ITGA1: variants seen among roughly 807,000 people sequenced by gnomAD.
The protein encoded by ITGA1 is integrin subunit alpha 1.
ITGA1 carries 85 observed loss-of-function variants against 145.9 expected under a neutral mutation model. The observed-to-expected ratio is 0.58, with a 90% CI of 0.49 to 0.70. The LOEUF (loss-of-function observed/expected upper bound fraction) is 0.70. ITGA1 is among the 30% of genes least tolerant of loss of function. The pLI is 0.00. For synonymous variants in ITGA1, 520 were observed against 495.3 expected, an observed-to-expected ratio of 1.05 and a Z score of -0.66; for missense variants, 1,351 against 1,418.7, an observed-to-expected ratio of 0.95 and a Z score of 0.77.
rs537109393 is a variant in ITGA1, at chr5:52,864,898, T to C, written c.384+47T>C. Reference sequence around the variant, plus strand: ...TTTATTGACAACAGATATGCTATCATTTTAAGTCTTTGTAAGATCTGTTAT... The same window carrying C: ...TTTATTGACAACAGATATGCTATCACTTTAAGTCTTTGTAAGATCTGTTAT... On this transcript the variant is annotated intron_variant, in intron 4 of 28. Coordinates refer to ENST00000282588, the MANE Select transcript of ITGA1 (RefSeq NM_181501.2). 7.1e-6 allele frequency: 11 copies of C among 1,545,358 alleles called. No homozygotes were observed. The African/African-American group carries it at 8.2e-5, about 12-fold the overall frequency.
chr5:52,908,840 A>T, intron 12 of ITGA1, 58 bp from the exon 13 acceptor site: 1 of 1,579,144 alleles, frequency 6.3e-7, no homozygotes, highest in South Asian at 1.1e-5. Flanking sequence ...TGTAGATTTC[A>T]GTTTCCTTGA....
chr5:52,941,667 T>C (rs11954863), intron 26 of ITGA1, among the ~76,000 whole-genome samples: 121 of 152,206 alleles, frequency 7.9e-4, no homozygotes, highest in Non-Finnish European at 1.3e-3. Context: ...TTCCTTATTC[T>C]GGATATTAGA....
chr5:52,852,737 T>C (rs1749448185), intron 2 of ITGA1, among the ~76,000 whole-genome samples: 1 of 152,170 alleles, frequency 6.6e-6, no homozygotes, highest in Non-Finnish European at 1.5e-5. Context: ...AAGACTGATT[T>C]TGCAGCCCAC....
intron 1 of ITGA1, among the ~76,000 whole-genome samples, chr5:52,847,553 T>C (rs1353154520): frequency 6.6e-6 from 1 of 152,076 alleles, no homozygotes; most frequent in African/African-American, 2.4e-5. Context: ...ATTTTGTTTG[T>C]TTGTTTGTTT....
chr5:52,850,174 G>T (rs147024667), intron 2 of ITGA1, among the ~76,000 whole-genome samples: 319 of 151,748 alleles, frequency 2.1e-3, no homozygotes, highest in East Asian at 7.6e-3. Flanking sequence ...GCTAATTTTT[G>T]TATTTCTAGT....
chr5:52,874,804 G>A (rs1580073785), intron 6 of ITGA1, among the ~76,000 whole-genome samples: 1 of 152,232 alleles, frequency 6.6e-6, no homozygotes, highest in East Asian at 1.9e-4. Context: ...TATTGGGACA[G>A]CTACAATGCA....
chr5:52,957,464 A>T lies in ITGA1; in HGVS notation c.*5013A>T, dbSNP rs549905955. 2.6e-5 allele frequency: 4 copies of T among 152,166 alleles called. No individual in the cohort carries two copies. Among genetic ancestry groups the T allele is most frequent in the African/African-American group, 4.8e-5 (2 of 41,436 alleles). 9.4% of individuals were successfully genotyped at this position (152,166 alleles called of 1,614,324 possible). A position where few individuals can be genotyped will look rare whatever the true frequency, so the allele number is the denominator to read the frequency against. The stretch of plus-strand genomic sequence containing the variant: ...TCGGTATTTTTTTCTCTCTCTTTAC[A>T]TATAGCAAAAGCTTTCCCCAGTAGC... On this transcript the variant is annotated 3_prime_UTR_variant, in exon 29 of 29. Transcript: ENST00000282588.
chr5:52,803,085 G>A (rs17209947), intron 1 of ITGA1: 19,652 of 152,152 alleles, frequency 0.13, 1,324 homozygotes, highest in Middle Eastern at 0.25. Context: ...CTGGATCAGC[G>A]ACGCCTATTT....
rs1748474160 is a variant in ITGA1 at position 52,801,222 on chromosome 5, T to C, written c.61+12808T>C. On this transcript the variant is annotated intron_variant, in intron 1 of 28. Transcript: ENST00000282588. The stretch of plus-strand genomic sequence containing the variant: ...GGGAAAAATAAGAAGAGAAAGTCTT[T>C]ACTTAGCTGGGATTTTCATGAGATA... 8 of 1,280,362 alleles carry C rather than the reference T, an allele frequency of 6.2e-6. No homozygotes were observed. In the African/African-American group the frequency reaches 7.5e-5, roughly 12 times the overall value. 79.3% of individuals were successfully genotyped at this position (1,280,362 alleles called of 1,614,324 possible).
chr5:52,905,852 A>G lies in ITGA1; in HGVS notation c.1399A>G (p.Ile467Val), dbSNP rs371011567. The G allele has an allele frequency of 3.3e-5, 53 of 1,613,610 alleles. No homozygotes were observed. The East Asian group carries it at 3.6e-4, about 11-fold the overall frequency. The change falls in exon 12 of 29, where the codon ATC becomes GTC. Residue 467 changes from isoleucine to valine, a missense_variant. Coordinates refer to ENST00000282588, the MANE Select transcript of ITGA1 (RefSeq NM_181501.2). ...PRYNHTGQVI[I>V]YRMEDGNIKI... Reference sequence around the variant, plus strand: ...GTACAATCATACAGGCCAGGTCATTATCTACAGGATGGAAGATGGAAACAT... The same window carrying G: ...GTACAATCATACAGGCCAGGTCATTGTCTACAGGATGGAAGATGGAAACAT...
At chr5:52,799,353 T>C (rs1748406638) in intron 1 of ITGA1, among the ~76,000 whole-genome samples, 1 of 152,212 alleles carries the variant, frequency 6.6e-6, no homozygotes, top group Non-Finnish European at 1.5e-5. Flanking sequence ...GGCTTTTAGC[T>C]TAGCTTTGGC....
chr5:52,941,346 T>C (rs1314763527), intron 26 of ITGA1, among the ~76,000 whole-genome samples: 2 of 152,196 alleles, frequency 1.3e-5, no homozygotes, highest in African/African-American at 4.8e-5. Context: ...TTGAGAAATC[T>C]CCAAACTGCT....
intron 14 of ITGA1, among the ~76,000 whole-genome samples, chr5:52,911,062 GTATATAGTGTATATATAGTA>G (rs1750512141): frequency 7.8e-6 from 1 of 128,114 alleles, no homozygotes; most frequent in Non-Finnish European, 1.6e-5. Context: ...TATACATAGT[GTATATAGTGTATATATAGTA>G]TATATAGTGT....
At chr5:52,869,461 C>A (rs1749743449) in intron 6 of ITGA1, among the ~76,000 whole-genome samples, 1 of 152,040 alleles carries the variant, frequency 6.6e-6, no homozygotes, top group African/African-American at 2.4e-5. Flanking sequence ...GTGCCTGGCC[C>A]CATATGATTC....
chr5:52,887,763 C>T, intron 7 of ITGA1, 52 bp from the exon 8 acceptor site: 1 of 1,521,780 alleles, frequency 6.6e-7, no homozygotes, highest in Non-Finnish European at 8.9e-7. Flanking sequence ...TTTACTTTGT[C>T]TATTGTAAAG....
chr5:52,876,849 T>C (rs1307047840), intron 6 of ITGA1, among the ~76,000 whole-genome samples: 2 of 152,182 alleles, frequency 1.3e-5, no homozygotes, highest in Non-Finnish European at 2.9e-5. Flanking sequence ...AAGCTCAATA[T>C]GGGCTATCCT....
intron 28 of ITGA1, among the ~76,000 whole-genome samples, chr5:52,948,463 T>C (rs1047276671): frequency 1.3e-5 from 2 of 152,196 alleles, no homozygotes; most frequent in African/African-American, 4.8e-5. Context: ...TTTCTTACTC[T>C]CCTATGACTC....
intron 1 of ITGA1, among the ~76,000 whole-genome samples, chr5:52,834,352 G>T (rs1749121787): frequency 6.6e-6 from 1 of 152,092 alleles, no homozygotes; most frequent in Non-Finnish European, 1.5e-5. Flanking sequence ...TTTTGATGAG[G>T]CTTCCCTTCC....
At chr5:52,843,665 C>T (rs149422590) in intron 1 of ITGA1, among the ~76,000 whole-genome samples, 2 of 152,166 alleles carry the variant, frequency 1.3e-5, no homozygotes, top group Non-Finnish European at 2.9e-5. Context: ...TGATTAAGAG[C>T]CATCATGAGA....
Sources: allele counts gnomAD v4.1 joint callset (sites outside exome capture counted in the v4.1 genomes callset), GRCh38; gene constraint gnomAD v4.1.1; transcripts MANE v1.5; gene names NCBI Gene and HGNC (gene_info 2026-07-23, HGNC 2026-07-21).